AMOT: variants seen among roughly 807,000 people sequenced by gnomAD.
AMOT encodes the protein angiomotin.
In AMOT, 11 loss-of-function variants were observed where a neutral mutation model predicts 67.0. The ratio of observed to expected loss-of-function variants is 0.16; its 90% confidence interval spans 0.10 to 0.27. AMOT has a LOEUF of 0.27. AMOT is among the 10% of genes least tolerant of loss of function. The pLI is 1.00. For synonymous variants in AMOT, 326 were observed against 321.4 expected (o/e 1.01, Z -0.15); for missense variants, 753 against 852.0 (o/e 0.88, Z 1.45).
At chrX:112,824,071 G>T (rs1388707960) in intron 3 of AMOT, among the ~76,000 whole-genome samples, 1 of 111,999 alleles carries the variant, frequency 8.9e-6, no homozygotes, top group Non-Finnish European at 1.9e-5. Flanking sequence ...GACTGAAACT[G>T]ATTTTAGTAA....
chrX:112,813,660 A>T (rs1419694176), intron 5 of AMOT, among the ~76,000 whole-genome samples: 1 of 110,832 alleles, frequency 9.0e-6, no homozygotes, highest in Non-Finnish European at 1.9e-5. Context: ...ATCACCATGG[A>T]TCCTCTGGCA....
Position 112,792,001 on chromosome X carries a change from A to G in AMOT, c.1777-20T>C, listed in dbSNP as rs1231590176. The G allele has an allele frequency of 2.5e-6, 3 of 1,207,634 alleles. No homozygotes were observed. Among genetic ancestry groups the G allele is most frequent in the Non-Finnish European group, 3.4e-6 (3 of 893,542 alleles). ...TTTCAGCTGGAAATCCATGTTGGGT[A>G]ATTTGCAAGGTGAAAGGAAAAACAG... is the stretch of plus-strand genomic sequence containing the variant. On this transcript the variant is annotated intron_variant, in intron 8 of 13. Transcript: ENST00000371959.
chrX:112,787,629 G>A (rs888001310), intron 10 of AMOT, among the ~76,000 whole-genome samples: 1 of 110,974 alleles, frequency 9.0e-6, no homozygotes, highest in African/African-American at 3.3e-5. Context: ...CAAACCGTAC[G>A]CTTACAACAG....
intron 2 of AMOT, among the ~76,000 whole-genome samples, chrX:112,829,724 G>A (rs778663861): frequency 8.9e-6 from 1 of 112,071 alleles, no homozygotes; most frequent in Admixed American, 9.5e-5. Context: ...GGTCTTGGTC[G>A]TTTTTGGTCC....
In AMOT at chrX:112,822,981, G is replaced by C; in HGVS notation, c.146C>G (p.Pro49Arg). The C allele has an allele frequency of 8.6e-7, 1 of 1,167,640 alleles. No homozygotes were observed. Among genetic ancestry groups the C allele is most frequent in the Non-Finnish European group, 1.1e-6 (1 of 873,066 alleles). The change falls in exon 4 of 14, where the codon CCC becomes CGC. Residue 49 changes from proline (P) to arginine (R), a missense_variant. This residue lies in a region of AMOT where 118 missense variants were observed against 125.9 expected (regional missense o/e 0.94). Transcript: ENST00000371959. ...QQATGNGPPF[P>R]SGSGNPGPQS... ...AGGGCCCGGGTTCCCACTGCCACTG[G>C]GGAAAGGAGGGCCATTCCCTGTGGC...
intron 12 of AMOT, 168 bp downstream of exon 12, chrX:112,780,718 G>A (rs778174530): frequency 4.2e-6 from 2 of 472,095 alleles, no homozygotes; most frequent in Non-Finnish European, 7.1e-6. Context: ...GTGTGGAGGA[G>A]CTCCAGAATG....
chrX:112,801,381 C>T (rs913443365), intron 8 of AMOT, among the ~76,000 whole-genome samples: 1 of 111,339 alleles, frequency 9.0e-6, no homozygotes, highest in African/African-American at 3.3e-5. Context: ...TTACCTCGTT[C>T]GGCTGCTACT....
intron 7 of AMOT, among the ~76,000 whole-genome samples, chrX:112,807,618 C>T (rs1934233252): frequency 9.0e-6 from 1 of 110,923 alleles, no homozygotes; most frequent in Non-Finnish European, 1.9e-5. Flanking sequence ...AAGAAAGAAT[C>T]AACAATGCTA....
chrX:112,780,683 G>A (rs542972933), intron 12 of AMOT: 312 of 429,177 alleles, frequency 7.3e-4, no homozygotes, highest in African/African-American at 6.9e-3. Context: ...GGCCTCAATC[G>A]GTATTCTCAC....
At position 112,809,881 on chromosome X, in the gene AMOT, C is replaced by T. The variant is rs1342045847; in HGVS notation, c.1630+13G>A. 1.7e-6 allele frequency: 2 copies of T among 1,200,540 alleles called. No individual in the cohort carries two copies. The highest frequency in any genetic ancestry group is 5.9e-5 in the East Asian group (2 of 33,741). On this transcript the variant is annotated intron_variant, in intron 7 of 13. Coordinates refer to ENST00000371959, the MANE Select transcript of AMOT (RefSeq NM_001113490.2). ...CACACGTTAATACCTGTTTCTGCAG[C>T]TTGCAGACTTACTTTTTGCAAAGAG... is the stretch of plus-strand genomic sequence containing the variant.
At chrX:112,793,003 ATCT>A (rs1237358300) in intron 8 of AMOT, among the ~76,000 whole-genome samples, 1 of 94,718 alleles carries the variant, frequency 1.1e-5, no homozygotes, top group Admixed American at 1.0e-4. Context: ...GAAGATATAT[ATCT>A]TCTTCTTTAA....
At chrX:112,806,096 T>C (rs1032826427) in intron 7 of AMOT, among the ~76,000 whole-genome samples, 4 of 109,069 alleles carry the variant, frequency 3.7e-5, no homozygotes, top group Non-Finnish European at 5.7e-5. Context: ...TGAAACGCTG[T>C]CTCTACTAAA....
intron 5 of AMOT, among the ~76,000 whole-genome samples, chrX:112,814,237 ACTGCAGG>A (rs1259725272): frequency 9.2e-6 from 1 of 108,112 alleles, no homozygotes; most frequent in Admixed American, 9.8e-5. Context: ...GTGCCATTGC[ACTGCAGG>A]CTAGGTAACA....
chrX:112,778,657 A>G lies in AMOT; in HGVS notation c.3165T>C (p.Pro1055=). 1 of 1,192,819 alleles carries G rather than the reference A, an allele frequency of 8.4e-7. No homozygotes were observed. The highest frequency in any genetic ancestry group is 1.1e-6 in the Non-Finnish European group (1 of 883,400). ...LTCNPDKTDG[P]VFHSNTLERK... ...TTTCCAGAGTATTGGAGTGGAACAC[A>G]GGCCCATCTAAATGGAAATAAGGGT... The change falls in exon 14 of 14, where the codon CCT becomes CCC. Residue 1055 remains proline (P), a synonymous_variant. Coordinates refer to ENST00000371959, the MANE Select transcript of AMOT (RefSeq NM_001113490.2).
intron 2 of AMOT, among the ~76,000 whole-genome samples, chrX:112,830,601 C>T (rs931653893): frequency 3.6e-5 from 4 of 111,992 alleles, no homozygotes; most frequent in Non-Finnish European, 7.5e-5. Context: ...AAAATTCTCC[C>T]GCTCTCATTT....
intron 1 of AMOT, among the ~76,000 whole-genome samples, chrX:112,837,093 A>C (rs955085247): frequency 2.7e-5 from 3 of 111,715 alleles, no homozygotes; most frequent in Non-Finnish European, 3.8e-5. Flanking sequence ...AAAACATTTT[A>C]CCTATATGGG....
intron 2 of AMOT, among the ~76,000 whole-genome samples, chrX:112,828,831 A>G (rs1054092946): frequency 8.9e-6 from 1 of 112,737 alleles, no homozygotes; most frequent in Non-Finnish European, 1.9e-5. Flanking sequence ...TTTATTACAT[A>G]GAATTGACCC....
At position 112,836,424 on chromosome X, in the gene AMOT, T is replaced by C. The variant is rs140005091; in HGVS notation, c.-289+4028A>G. On this transcript the variant is annotated intron_variant, in intron 1 of 13. Transcript: ENST00000371959. ...CTCCTGGCATTTGAGAAACAAAATA[T>C]ATGGGAGTCTTCATGTGTCCTCGGT... Among the ~76,000 whole-genome samples the C allele has an allele frequency of 1.4e-4, 16 of 112,128 alleles. No individual in the cohort carries two copies. In the East Asian group the frequency reaches 2.8e-3, roughly 20 times the overall value.
At position 112,815,700 on chromosome X, in the gene AMOT, A is replaced by T. The variant is rs896799959; in HGVS notation, c.1050T>A (p.Pro350=). ...TAGGAAGGAAATGCTGCTGCGGCCT[A>T]GGCAGGTGAGCTGAATGGTCTCCCT... The part of the protein sequence containing the change: ...PNQGDHSAHL[P]RPQQHFLPNQ... Residue 350 remains proline, a synonymous_variant, in exon 5 of 14, where the codon CCT becomes CCA. Coordinates refer to ENST00000371959, the MANE Select transcript of AMOT (RefSeq NM_001113490.2). 8.6e-7 allele frequency: 1 copy of T among 1,168,973 alleles called. No homozygotes were observed. The highest frequency in any genetic ancestry group is 1.8e-5 in the African/African-American group (1 of 56,142).
Sources: gnomAD v4.1 joint callset for allele counts (sites outside exome capture counted in the v4.1 genomes callset) on GRCh38, gnomAD v4.1.1 for gene constraint, gnomAD v4.1.1 regional missense constraint, MANE v1.5 for transcripts, NCBI Gene and HGNC (gene_info 2026-07-23, HGNC 2026-07-21) for gene names.